The following PHF2 variants were observed in gnomAD, a reference collection of about 807,000 sequenced individuals.
The protein encoded by PHF2 is lysine-specific demethylase PHF2.
In PHF2, 27 loss-of-function variants were observed where a neutral mutation model predicts 120.5. The observed-to-expected ratio is 0.22, with a 90% CI of 0.17 to 0.31. The LOEUF (loss-of-function observed/expected upper bound fraction) is 0.31, where lower values mean the gene tolerates loss of function less well. Ranked by LOEUF, PHF2 falls within the 10% of genes least tolerant of loss-of-function variation. The probability of loss-of-function intolerance (pLI) is 1.00; values close to 1 mark genes in which losing one functional copy is unlikely to be tolerated. For missense variants in PHF2, 1,024 were observed against 1,434.8 expected (o/e 0.71, Z 4.63); for synonymous variants, 568 against 592.5 (o/e 0.96, Z 0.60).
chr9:93,628,178 A>G (rs1453638120), intron 1 of PHF2, among the ~76,000 whole-genome samples: 1 of 152,202 alleles, frequency 6.6e-6, no homozygotes, highest in Non-Finnish European at 1.5e-5. Context: ...GAGGATTTTT[A>G]CATCAATATT....
chr9:93,662,156 CAG>C (rs140454560), intron 12 of PHF2, among the ~76,000 whole-genome samples: 19,940 of 144,842 alleles, frequency 0.14, 1,500 homozygotes, highest in African/African-American at 0.22. Context: ...GATGGATAGA[CAG>C]AGGAATGAAT....
chr9:93,588,375 C>G (rs562597085), intron 1 of PHF2, among the ~76,000 whole-genome samples: 1 of 152,306 alleles, frequency 6.6e-6, no homozygotes, highest in African/African-American at 2.4e-5. Context: ...GGTGAGAGGT[C>G]CGTTCTAGCC....
chr9:93,664,731 T>C (rs1362396652), intron 14 of PHF2, among the ~76,000 whole-genome samples: 2 of 152,202 alleles, frequency 1.3e-5, no homozygotes, highest in African/African-American at 2.4e-5. Flanking sequence ...GAAGCTCTGC[T>C]TCTAGGTTCC....
At position 93,676,738 on chromosome 9, in the gene PHF2, C is replaced by CCGGCCTCCACCAGCA. The variant is rs759140075; in HGVS notation, c.2983_2997dup (p.Thr996_Ser1000dup). On this transcript the variant is annotated inframe_insertion, in exon 21 of 22. Coordinates refer to ENST00000359246, the MANE Select transcript of PHF2 (RefSeq NM_005392.4). ...CTCTACCACCCCGGCCTCCACCACC[C>CCGGCCTCCACCAGCA]CGGCCTCCACCAGCACGGCCAGCAG... The CCGGCCTCCACCAGCA allele has an allele frequency of 9.0e-6, 14 of 1,556,006 alleles. No homozygotes were observed. The East Asian group carries it at 1.9e-4, about 22-fold the overall frequency.
chr9:93,633,989 G>C (rs1002720510), intron 2 of PHF2, among the ~76,000 whole-genome samples: 1 of 152,094 alleles, frequency 6.6e-6, no homozygotes, highest in African/African-American at 2.4e-5. Flanking sequence ...CTGAGCCGCC[G>C]CTGTCCTGGA....
chr9:93,660,063 C>T, intron 11 of PHF2, 129 bp from the exon 12 acceptor site: 1 of 1,174,116 alleles, frequency 8.5e-7, no homozygotes, highest in Non-Finnish European at 1.2e-6. Flanking sequence ...TGTGGGGTAG[C>T]TGAGCCTTTC....
intron 3 of PHF2, among the ~76,000 whole-genome samples, chr9:93,643,612 G>A (rs1279297780): frequency 6.6e-6 from 1 of 152,160 alleles, no homozygotes; most frequent in Non-Finnish European, 1.5e-5. Flanking sequence ...TGTTGGGGAT[G>A]GATTTCCTCC....
chr9:93,582,072 C>A (rs1862941516), intron 1 of PHF2, among the ~76,000 whole-genome samples: 1 of 152,128 alleles, frequency 6.6e-6, no homozygotes, highest in African/African-American at 2.4e-5. Flanking sequence ...ATGTTTGGTT[C>A]CCACGTCGAC....
chr9:93,586,206 A>G (rs1255436823), intron 1 of PHF2, among the ~76,000 whole-genome samples: 1 of 152,212 alleles, frequency 6.6e-6, no homozygotes, highest in Non-Finnish European at 1.5e-5. Context: ...ACAGGCTCAA[A>G]TGGGAAGCAG....
chr9:93,674,799 T>G (rs1826877821), intron 18 of PHF2, 128 bp from the exon 19 acceptor site: 1 of 654,872 alleles, frequency 1.5e-6, no homozygotes, highest in Non-Finnish European at 2.7e-6. Context: ...TGACACAGCG[T>G]GGCAGGCCTT....
rs1461415801 is a variant in PHF2 at position 93,678,913 on chromosome 9, A to G, written c.*1237A>G. On this transcript the variant is annotated 3_prime_UTR_variant, in exon 22 of 22. Coordinates refer to ENST00000359246, the MANE Select transcript of PHF2 (RefSeq NM_005392.4). ...TTTTAAGAACTAAGGTATTGCCTGA[A>G]AAACAAGTGATGTCTGTGCAGCCTT... 1 of 167,444 alleles carries G rather than the reference A, an allele frequency of 6.0e-6. No individual in the cohort carries two copies. 10.4% of individuals were successfully genotyped at this position (167,444 alleles called of 1,614,324 possible).
intron 1 of PHF2, among the ~76,000 whole-genome samples, chr9:93,593,832 T>G (rs1360623938): frequency 6.6e-6 from 1 of 152,236 alleles, no homozygotes; most frequent in African/African-American, 2.4e-5. Flanking sequence ...CCAATTAAAA[T>G]GGAAGACGGT....
Position 93,656,647 on chromosome 9 carries a change from G to A in PHF2, c.1147+52G>A, listed in dbSNP as rs373331219. ...CAAGCCTGGGGCTCTTGGCTGTGGG[G>A]GCAGCCAGACCTGGTCAGGGCTGAC... On this transcript the variant is annotated intron_variant, in intron 9 of 21. Transcript: ENST00000359246. This position sits in a 1 kb window ranked among gnomAD's most constrained non-coding sequence, Gnocchi z 4.1. The A allele has an allele frequency of 1.4e-4, 181 of 1,280,808 alleles. No homozygotes were observed. The highest frequency in any genetic ancestry group is 1.8e-4 in the Non-Finnish European group (163 of 881,632). 79.3% of individuals were successfully genotyped at this position (1,280,808 alleles called of 1,614,324 possible).
chr9:93,631,908 C>A (rs1806673), intron 2 of PHF2, among the ~76,000 whole-genome samples: 3,043 of 152,172 alleles, frequency 0.02, 68 homozygotes, highest in East Asian at 0.1. Context: ...GTGTCAGAAA[C>A]CCCTGGGCCA....
intron 5 of PHF2, among the ~76,000 whole-genome samples, chr9:93,649,975 ACACT>A (rs763211728): frequency 4.4e-4 from 67 of 151,964 alleles, no homozygotes; most frequent in African/African-American, 3.9e-4. Flanking sequence ...CACATGACAC[ACACT>A]CAGTACTCAC....
intron 1 of PHF2, among the ~76,000 whole-genome samples, chr9:93,627,564 T>C (rs1825935588): frequency 6.8e-6 from 1 of 147,010 alleles, no homozygotes. Flanking sequence ...GTGGCAACAA[T>C]AGGCATCCTA....
At chr9:93,654,836 C>T (rs1426976577) in intron 7 of PHF2, among the ~76,000 whole-genome samples, 2 of 152,192 alleles carry the variant, frequency 1.3e-5, no homozygotes, top group Non-Finnish European at 2.9e-5. Flanking sequence ...CATGGGCACT[C>T]CTCACCACCG....
chr9:93,629,193 G>T (rs1313218318), intron 1 of PHF2, among the ~76,000 whole-genome samples: 5 of 152,114 alleles, frequency 3.3e-5, no homozygotes, highest in African/African-American at 1.2e-4. Context: ...GAGCCACCGT[G>T]CCTGGCCTCA....
At position 93,656,727 on chromosome 9, in the gene PHF2, A is replaced by T; in HGVS notation, c.1147+132A>T. Reference sequence around the variant, plus strand: ...GCCTGAGCAAGTCCTCTTGGGACTCAGACCCCTGGGGCTCAGTTTCCCCAT... The same window carrying T: ...GCCTGAGCAAGTCCTCTTGGGACTCTGACCCCTGGGGCTCAGTTTCCCCAT... On this transcript the variant is annotated intron_variant, in intron 9 of 21. Transcript: ENST00000359246. The surrounding 1 kb of genome is among the most constrained non-coding windows in gnomAD (Gnocchi z 4.1). 1.5e-6 allele frequency: 1 copy of T among 658,106 alleles called. No individual in the cohort carries two copies. Among genetic ancestry groups the T allele is most frequent in the Non-Finnish European group, 2.7e-6 (1 of 368,850 alleles). The allele number at this position is 658,106 out of a possible 1,614,324, so 40.8% of individuals were successfully genotyped here.
Sources: gnomAD v4.1 joint callset for allele counts (sites outside exome capture counted in the v4.1 genomes callset) on GRCh38, gnomAD v4.1.1 for gene constraint, Gnocchi (gnomAD v3.1) non-coding constraint, MANE v1.5 for transcripts, NCBI Gene and HGNC (gene_info 2026-07-23, HGNC 2026-07-21) for gene names.